The following MOB3B variants were observed in gnomAD, a reference collection of about 807,000 sequenced individuals.
MOB3B encodes the protein MOB kinase activator 3B.
In MOB3B, 7 loss-of-function variants were observed where a neutral mutation model predicts 18.7. The observed-to-expected ratio is 0.37, with a 90% CI of 0.21 to 0.70. The LOEUF (loss-of-function observed/expected upper bound fraction) is 0.70. Ranked by LOEUF, MOB3B falls within the 30% of genes least tolerant of loss-of-function variation. The pLI, the probability that MOB3B is intolerant of heterozygous loss-of-function variation, is 0.52. For synonymous variants in MOB3B, 111 were observed against 99.9 expected, an observed-to-expected ratio of 1.11 and a Z score of -0.66; for missense variants, 253 against 281.3, an observed-to-expected ratio of 0.90 and a Z score of 0.72.
chr9:27,462,650 C>T lies in MOB3B; in HGVS notation c.-198-6902G>A, dbSNP rs578107889. ...TACCCTTTCTTTTTCTTTGAAACAGCGTATGTCAATCCTTTCTTGGAAAAG... is the reference window on the plus strand; with the variant it reads ...TACCCTTTCTTTTTCTTTGAAACAGTGTATGTCAATCCTTTCTTGGAAAAG... On this transcript the variant is annotated intron_variant, in intron 1 of 3. Coordinates refer to ENST00000262244, the MANE Select transcript of MOB3B (RefSeq NM_024761.5). 4.6e-5 allele frequency among the ~76,000 whole-genome samples: 7 copies of T among 152,234 alleles called. No individual in the cohort carries two copies. In the East Asian group the frequency reaches 1.3e-3, roughly 29 times the overall value.
In MOB3B at chr9:27,362,214, G is replaced by A. The variant is rs115673530; in HGVS notation, c.419-2978C>T. Among the ~76,000 whole-genome samples, 1,403 of 152,200 alleles carry A rather than the reference G, an allele frequency of 9.2e-3. 23 individuals are homozygous for A. Among genetic ancestry groups the A allele is most frequent in the African/African-American group, 0.031 (1,296 of 41,520 alleles). On this transcript the variant is annotated intron_variant, in intron 2 of 3. Transcript: ENST00000262244. ...ATCCATTTTGGGCTATGGCTTTAGA[G>A]TAGTTGGTTTTGCAATCTGGAAGAC...
intron 1 of MOB3B, among the ~76,000 whole-genome samples, chr9:27,483,421 C>T (rs1033862582): frequency 2.0e-5 from 3 of 152,050 alleles, no homozygotes; most frequent in Non-Finnish European, 2.9e-5. Context: ...CGTGAGCCAC[C>T]GCGCCCGGCC....
At chr9:27,354,011 C>T (rs1278220325) in intron 3 of MOB3B, among the ~76,000 whole-genome samples, 1 of 152,362 alleles carries the variant, frequency 6.6e-6, no homozygotes, top group South Asian at 2.1e-4. Flanking sequence ...AATGGATGAT[C>T]TGTCACGTCT....
chr9:27,417,337 T>A (rs747352051), intron 2 of MOB3B, among the ~76,000 whole-genome samples: 2 of 152,080 alleles, frequency 1.3e-5, no homozygotes, highest in Non-Finnish European at 2.9e-5. Flanking sequence ...GTACTCCAGC[T>A]TGGGCGACAG....
intron 1 of MOB3B, among the ~76,000 whole-genome samples, chr9:27,459,601 T>C (rs1387461138): frequency 6.6e-6 from 1 of 151,952 alleles, no homozygotes; most frequent in Non-Finnish European, 1.5e-5. Flanking sequence ...CAGTCTTCAG[T>C]TGAGTGTGGG....
intron 1 of MOB3B, among the ~76,000 whole-genome samples, chr9:27,470,540 C>T (rs1417852451): frequency 2.0e-5 from 3 of 152,192 alleles, no homozygotes; most frequent in East Asian, 3.9e-4. Flanking sequence ...ACTCTTGTCT[C>T]TCCTTTGCTC....
intron 3 of MOB3B, 52 bp downstream of exon 3, chr9:27,358,982 T>TCCTG: frequency 6.4e-7 from 1 of 1,570,656 alleles, no homozygotes; most frequent in East Asian, 2.2e-5. Flanking sequence ...CTCTGACAAA[T>TCCTG]GGCCGAGCTC....
chr9:27,447,098 G>A (rs1822704306), intron 2 of MOB3B, among the ~76,000 whole-genome samples: 1 of 152,168 alleles, frequency 6.6e-6, no homozygotes, highest in Non-Finnish European at 1.5e-5. Flanking sequence ...TTCGTTGAAG[G>A]AAAAGCTTGT....
chr9:27,503,899 G>A lies in MOB3B; in HGVS notation c.-199+25656C>T, dbSNP rs537449548. ...AGGCCTTGCCCCCTTGCCTTAACTCGGGACCACTCTTCAGGCTGTCCCGGC... is the reference window on the plus strand; with the variant it reads ...AGGCCTTGCCCCCTTGCCTTAACTCAGGACCACTCTTCAGGCTGTCCCGGC... On this transcript the variant is annotated intron_variant, in intron 1 of 3. Coordinates refer to ENST00000262244, the MANE Select transcript of MOB3B (RefSeq NM_024761.5). Among the ~76,000 whole-genome samples the A allele has an allele frequency of 7.2e-5, 11 of 152,246 alleles. No homozygotes were observed. The South Asian group carries it at 1.7e-3, about 23-fold the overall frequency.
intron 1 of MOB3B, among the ~76,000 whole-genome samples, chr9:27,528,120 A>G (rs1820464802): frequency 6.6e-6 from 1 of 152,234 alleles, no homozygotes; most frequent in African/African-American, 2.4e-5. Flanking sequence ...CTCCACGTTC[A>G]TTCCGGAGTG....
intron 2 of MOB3B, among the ~76,000 whole-genome samples, chr9:27,418,829 G>T (rs149374037): frequency 5.3e-5 from 8 of 152,096 alleles, no homozygotes; most frequent in Non-Finnish European, 1.0e-4. Flanking sequence ...AGAAATAAAG[G>T]CCATCCAAAT....
chr9:27,339,375 T>C (rs1456877234), intron 3 of MOB3B, among the ~76,000 whole-genome samples: 4 of 152,248 alleles, frequency 2.6e-5, no homozygotes, highest in Non-Finnish European at 5.9e-5. Flanking sequence ...CTAGGCTTTA[T>C]TGGTATAAAT....
chr9:27,382,883 A>G (rs1048107862), intron 2 of MOB3B, among the ~76,000 whole-genome samples: 1 of 152,084 alleles, frequency 6.6e-6, no homozygotes, highest in African/African-American at 2.4e-5. Context: ...AATCTCATGA[A>G]CTTCCAGGAC....
At chr9:27,513,496 T>C (rs1820177185) in intron 1 of MOB3B, among the ~76,000 whole-genome samples, 1 of 152,220 alleles carries the variant, frequency 6.6e-6, no homozygotes, top group African/African-American at 2.4e-5. Flanking sequence ...AACTCTATCA[T>C]GGCTTGCTGT....
intron 2 of MOB3B, among the ~76,000 whole-genome samples, chr9:27,449,706 C>T (rs1027974006): frequency 5.9e-5 from 9 of 152,088 alleles, no homozygotes; most frequent in Non-Finnish European, 1.2e-4. Context: ...TGGGAGATGT[C>T]GCTCATTATC....
At chr9:27,409,068 C>G (rs1488701577) in intron 2 of MOB3B, among the ~76,000 whole-genome samples, 1 of 152,250 alleles carries the variant, frequency 6.6e-6, no homozygotes, top group African/African-American at 2.4e-5. Context: ...GCAGCTGGCA[C>G]TGTCTTTATT....
rs538557438 is a variant in MOB3B, at chr9:27,436,704, T to TTATCTCTGTTATGATTAATA, written c.418+18409_418+18428dup. 1.5e-3 allele frequency among the ~76,000 whole-genome samples: 226 copies of TTATCTCTGTTATGATTAATA among 152,318 alleles called. 1 individual carries two copies. The highest frequency in any genetic ancestry group is 5.1e-3 in the African/African-American group (214 of 41,578). On this transcript the variant is annotated intron_variant, in intron 2 of 3. Transcript: ENST00000262244. ...TTTTAGTAAGGAATTATTGATCTTC[T>TTATCTCTGTTATGATTAATA]TATCTCTGTTATGATTAATATAAAT...
intron 1 of MOB3B, among the ~76,000 whole-genome samples, chr9:27,488,783 T>A (rs1258498597): frequency 6.6e-6 from 1 of 152,174 alleles, no homozygotes; most frequent in East Asian, 1.9e-4. Flanking sequence ...CCCCTTTGCT[T>A]ATCTAGAACA....
At chr9:27,511,145 T>C (rs1223983721) in intron 1 of MOB3B, among the ~76,000 whole-genome samples, 2 of 151,858 alleles carry the variant, frequency 1.3e-5, no homozygotes, top group Non-Finnish European at 2.9e-5. Flanking sequence ...TCTTTAAAAG[T>C]CTTTCTCAAA....
Sources: gnomAD v4.1 joint callset for allele counts (sites outside exome capture counted in the v4.1 genomes callset) on GRCh38, gnomAD v4.1.1 for gene constraint, MANE v1.5 for transcripts, NCBI Gene and HGNC (gene_info 2026-07-23, HGNC 2026-07-21) for gene names.